GPD2: variants seen among roughly 807,000 people sequenced by gnomAD.
GPD2 encodes glycerol-3-phosphate dehydrogenase, mitochondrial.
In GPD2, 54 loss-of-function variants were observed where a neutral mutation model predicts 82.4. The ratio of observed to expected loss-of-function variants is 0.66; its 90% CI spans 0.53 to 0.82. GPD2 has a LOEUF of 0.82. Ranked by LOEUF, GPD2 falls within the 40% of genes least tolerant of loss-of-function variation. GPD2 has a pLI of 0.00. For missense variants in GPD2, 748 were observed against 896.2 expected (o/e 0.83, Z 2.11); for synonymous variants, 288 against 306.1 (o/e 0.94, Z 0.62).
At chr2:156,570,758 A>C (rs1482098085) in intron 12 of GPD2, among the ~76,000 whole-genome samples, 1 of 152,206 alleles carries the variant, frequency 6.6e-6, no homozygotes, top group Non-Finnish European at 1.5e-5. Context: ...AGGTGAGATC[A>C]TAACTTTTTG....
chr2:156,421,002 AAT>A, the GPD2 span, among the ~76,000 whole-genome samples: 1 of 152,196 alleles, frequency 6.6e-6, no homozygotes, highest in Non-Finnish European at 1.5e-5. Context: ...CAGCCTACAG[AAT>A]AGAGTTTATT....
chr2:156,441,246 G>A (rs1357166223), intron 1 of GPD2, among the ~76,000 whole-genome samples: 1 of 152,072 alleles, frequency 6.6e-6, no homozygotes, highest in Non-Finnish European at 1.5e-5. Flanking sequence ...AATACCTTTT[G>A]TAATAAACTG....
chr2:156,478,423 G>A (rs1228931061), intron 2 of GPD2, among the ~76,000 whole-genome samples: 2 of 152,126 alleles, frequency 1.3e-5, no homozygotes, highest in Non-Finnish European at 2.9e-5. Context: ...CTTTTCTGGT[G>A]ATTCCTGTCC....
At chr2:156,577,322 C>T (rs1025773409) in intron 13 of GPD2, among the ~76,000 whole-genome samples, 3 of 151,850 alleles carry the variant, frequency 2.0e-5, no homozygotes, top group Non-Finnish European at 2.9e-5. Context: ...CCCATCTCTA[C>T]AAATAATAAT....
chr2:156,415,477 T>C, the GPD2 span, among the ~76,000 whole-genome samples: 1 of 152,002 alleles, frequency 6.6e-6, no homozygotes, highest in East Asian at 1.9e-4. Context: ...TTCTTATGCC[T>C]TTGTGTCCTC....
At chr2:156,489,394 T>C (rs1222989964) in intron 2 of GPD2, among the ~76,000 whole-genome samples, 1 of 152,210 alleles carries the variant, frequency 6.6e-6, no homozygotes, top group Non-Finnish European at 1.5e-5. Context: ...CCTTTCCTGG[T>C]TTTTGTCACC....
At chr2:156,527,591 C>G (rs916460205) in intron 6 of GPD2, among the ~76,000 whole-genome samples, 3 of 152,054 alleles carry the variant, frequency 2.0e-5, no homozygotes, top group Admixed American at 6.6e-5. Flanking sequence ...AATATATACT[C>G]TTGCATTCAC....
In GPD2 at chr2:156,516,631, G is replaced by C. The variant is rs544016656; in HGVS notation, c.661+3135G>C. Among the ~76,000 whole-genome samples the C allele has an allele frequency of 7.2e-5, 11 of 152,302 alleles. No homozygotes were observed. In the East Asian group the frequency reaches 1.9e-3, roughly 27 times the overall value. ...CTAGTTGTTTTTTACTTTTGCTAGAGACAAGGTCTCCCTGTATTGCCTAGG... is the reference window on the plus strand; with the variant it reads ...CTAGTTGTTTTTTACTTTTGCTAGACACAAGGTCTCCCTGTATTGCCTAGG... On this transcript the variant is annotated intron_variant, in intron 6 of 16. Coordinates refer to ENST00000438166, the MANE Select transcript of GPD2 (RefSeq NM_000408.5).
chr2:156,488,542 T>C (rs72895216), intron 2 of GPD2, among the ~76,000 whole-genome samples: 51 of 152,320 alleles, frequency 3.3e-4, no homozygotes, highest in Non-Finnish European at 6.0e-4. Flanking sequence ...TCTTTAAATA[T>C]GCACTTCTTT....
intron 9 of GPD2, among the ~76,000 whole-genome samples, chr2:156,568,499 T>A (rs1687472199): frequency 6.6e-6 from 1 of 152,166 alleles, no homozygotes; most frequent in South Asian, 2.1e-4. Flanking sequence ...TCTGCTTTTT[T>A]TTCTTTCTTG....
intron 16 of GPD2, among the ~76,000 whole-genome samples, chr2:156,582,507 T>C (rs931349517): frequency 6.7e-6 from 1 of 149,366 alleles, no homozygotes; most frequent in African/African-American, 2.5e-5. Flanking sequence ...AAAAGTGCCT[T>C]GAGCACATTA....
At chr2:156,544,810 T>A (rs1288606319) in intron 6 of GPD2, among the ~76,000 whole-genome samples, 1 of 152,188 alleles carries the variant, frequency 6.6e-6, no homozygotes, top group Non-Finnish European at 1.5e-5. Flanking sequence ...GCCATGTTAA[T>A]GACACAACCA....
intron 1 of GPD2, among the ~76,000 whole-genome samples, chr2:156,450,109 GGAA>G (rs1157604273): frequency 6.6e-6 from 1 of 152,206 alleles, no homozygotes; most frequent in Non-Finnish European, 1.5e-5. Context: ...TTGGAGGAAA[GGAA>G]GAAGAATAAA....
chr2:156,575,176 C>T (rs183447989), intron 13 of GPD2, among the ~76,000 whole-genome samples: 1 of 152,152 alleles, frequency 6.6e-6, no homozygotes, highest in East Asian at 1.9e-4. Flanking sequence ...GACCAGAAGA[C>T]AGAATGGGCA....
At chr2:156,446,187 C>A (rs1682365622) in intron 1 of GPD2, among the ~76,000 whole-genome samples, 1 of 152,184 alleles carries the variant, frequency 6.6e-6, no homozygotes, top group African/African-American at 2.4e-5. Flanking sequence ...CCTCTGCCTC[C>A]TGGGCTTGAG....
chr2:156,458,524 G>A (rs1457990935), intron 1 of GPD2, among the ~76,000 whole-genome samples: 1 of 152,202 alleles, frequency 6.6e-6, no homozygotes, highest in Non-Finnish European at 1.5e-5. Flanking sequence ...ATTTTAGTTA[G>A]GGTGGAGATT....
chr2:156,540,325 C>T (rs1361847447), intron 6 of GPD2, among the ~76,000 whole-genome samples: 1 of 152,184 alleles, frequency 6.6e-6, no homozygotes, highest in African/African-American at 2.4e-5. Flanking sequence ...GGGTCACTAC[C>T]TCTAGATCGA....
intron 6 of GPD2, among the ~76,000 whole-genome samples, chr2:156,528,582 TC>T (rs1685701807): frequency 1.2e-5 from 1 of 82,606 alleles, no homozygotes; most frequent in Non-Finnish European, 2.3e-5. Flanking sequence ...ATGCTATCCC[TC>T]CCCCCTCCCC....
intron 13 of GPD2, among the ~76,000 whole-genome samples, chr2:156,578,291 G>T (rs1290419404): frequency 6.6e-6 from 1 of 152,030 alleles, no homozygotes; most frequent in Non-Finnish European, 1.5e-5. Context: ...CTAATCTCAT[G>T]AGATATACCT....
Sources: allele counts gnomAD v4.1 joint callset (sites outside exome capture counted in the v4.1 genomes callset), GRCh38; gene constraint gnomAD v4.1.1; transcripts MANE v1.5; gene names NCBI Gene and HGNC (gene_info 2026-07-23, HGNC 2026-07-21).